Variants in LANCL2 observed in about 807,000 individuals in gnomAD.
LANCL2 encodes the protein lanC-like protein 2.
Under a neutral mutation model 56.9 loss-of-function variants are expected in LANCL2, and 33 were observed. That is an observed-to-expected ratio of 0.58 (90% CI 0.44 to 0.78). LANCL2 has a LOEUF of 0.78. LANCL2 is among the 30% of genes least tolerant of loss of function. The pLI, the probability that LANCL2 is intolerant of heterozygous loss-of-function variation, is 0.00. For synonymous variants in LANCL2, 233 were observed against 228.2 expected, an observed-to-expected ratio of 1.02 and a Z score of -0.19; for missense variants, 562 against 580.2, an observed-to-expected ratio of 0.97 and a Z score of 0.32.
At chr7:55,402,625 A>G (rs1790350775) in intron 5 of LANCL2, among the ~76,000 whole-genome samples, 1 of 104,000 alleles carries the variant, frequency 9.6e-6, no homozygotes. Flanking sequence ...TCCCTCCCGG[A>G]TGGGGCGGCT....
chr7:55,430,619 A>G (rs1196710209), intron 8 of LANCL2, among the ~76,000 whole-genome samples: 1 of 152,216 alleles, frequency 6.6e-6, no homozygotes. Flanking sequence ...ATTGTACGTG[A>G]ATTTTACATC....
At chr7:55,419,063 A>G (rs1453740826) in intron 6 of LANCL2, among the ~76,000 whole-genome samples, 1 of 152,142 alleles carries the variant, frequency 6.6e-6, no homozygotes, top group Admixed American at 6.5e-5. Flanking sequence ...TTCTTAGTAC[A>G]TATTTTCTTT....
chr7:55,426,421 G>A (rs564938401), intron 7 of LANCL2, among the ~76,000 whole-genome samples: 3 of 152,254 alleles, frequency 2.0e-5, no homozygotes, highest in African/African-American at 7.2e-5. Context: ...ATACACTAAA[G>A]TGTGTACAGT....
chr7:55,366,589 C>T (rs952679745), intron 1 of LANCL2, among the ~76,000 whole-genome samples: 6 of 152,152 alleles, frequency 3.9e-5, no homozygotes, highest in African/African-American at 1.2e-4. Flanking sequence ...GCTACCTGCT[C>T]CTCAGAAGTG....
chr7:55,433,415 A>G lies in LANCL2; in HGVS notation c.*2095A>G, dbSNP rs1428396115. 2 of 152,204 alleles carry G rather than the reference A, an allele frequency of 1.3e-5. No individual in the cohort carries two copies. The highest frequency in any genetic ancestry group is 2.9e-5 in the Non-Finnish European group (2 of 68,050). 9.4% of individuals were successfully genotyped at this position (152,204 alleles called of 1,614,324 possible). On this transcript the variant is annotated 3_prime_UTR_variant, in exon 9 of 9. Transcript: ENST00000254770. ...CAGAGGTGCTGTTCCGTGGTTCTGC[A>G]TTAACCCCTGCCTCATGTCTGTAAC... is the stretch of plus-strand genomic sequence containing the variant.
chr7:55,399,478 G>A (rs1207430227), intron 3 of LANCL2, among the ~76,000 whole-genome samples: 1 of 151,930 alleles, frequency 6.6e-6, no homozygotes, highest in Non-Finnish European at 1.5e-5. Context: ...AAAGTAGCTG[G>A]GATTACAAGC....
chr7:55,412,566 G>A (rs541176756), intron 6 of LANCL2, among the ~76,000 whole-genome samples: 1 of 152,206 alleles, frequency 6.6e-6, no homozygotes, highest in South Asian at 2.1e-4. Flanking sequence ...TATACGTCTG[G>A]GGTACTATAG....
In LANCL2 at chr7:55,381,016, C is replaced by G. The variant is rs142454120; in HGVS notation, c.205-10777C>G. On this transcript the variant is annotated intron_variant, in intron 1 of 8. Transcript: ENST00000254770. ...CCTCCCCAGTGGCTGGGATTACACG[C>G]GTGTGCCACCACGCCTGGCTAATTT... Among the ~76,000 whole-genome samples the G allele has an allele frequency of 6.4e-4, 97 of 152,166 alleles. 3 individuals carry two copies. In the East Asian group the frequency reaches 0.019, roughly 29 times the overall value.
intron 1 of LANCL2, among the ~76,000 whole-genome samples, chr7:55,377,319 GA>G (rs1562856894): frequency 6.6e-6 from 1 of 152,028 alleles, no homozygotes; most frequent in Non-Finnish European, 1.5e-5. Flanking sequence ...GATGTACATG[GA>G]AAAAATATCA....
chr7:55,410,864 G>T (rs1015000408), intron 5 of LANCL2, among the ~76,000 whole-genome samples: 1 of 151,934 alleles, frequency 6.6e-6, no homozygotes, highest in African/African-American at 2.4e-5. Flanking sequence ...AGGATGTCAT[G>T]TGCTAATGTG....
At chr7:55,429,518 T>C (rs568669022) in intron 8 of LANCL2, among the ~76,000 whole-genome samples, 50 of 152,370 alleles carry the variant, frequency 3.3e-4, no homozygotes, top group African/African-American at 1.2e-3. Context: ...ATGTCCTGTT[T>C]TAGTTTTCAT....
intron 2 of LANCL2, 87 bp from the exon 3 acceptor site, chr7:55,398,336 A>T (rs1790280309): frequency 2.2e-6 from 2 of 917,830 alleles, no homozygotes; most frequent in Non-Finnish European, 3.5e-6. Flanking sequence ...ATGTAGAAGA[A>T]GGTATTTCAT....
At chr7:55,404,270 C>T (rs1320472064) in intron 5 of LANCL2, among the ~76,000 whole-genome samples, 3 of 152,110 alleles carry the variant, frequency 2.0e-5, no homozygotes, top group Non-Finnish European at 4.4e-5. Flanking sequence ...CTCCTCCCTC[C>T]TCTACCTTTC....
At chr7:55,384,483 C>G (rs141110001) in intron 1 of LANCL2, among the ~76,000 whole-genome samples, 1 of 151,898 alleles carries the variant, frequency 6.6e-6, no homozygotes, top group South Asian at 2.1e-4. Context: ...ACCTGGGAGG[C>G]GGAGCTTGCA....
At position 55,387,893 on chromosome 7, in the gene LANCL2, A is replaced by G. The variant is rs1790144025; in HGVS notation, c.205-3900A>G. ...TATTATACCCTTCCTTACTAAAAAT[A>G]CCTCTTTTCCTTTTCTTCTTTAACT... On this transcript the variant is annotated intron_variant, in intron 1 of 8. Coordinates refer to ENST00000254770, the MANE Select transcript of LANCL2 (RefSeq NM_018697.4). Among the ~76,000 whole-genome samples the G allele has an allele frequency of 3.3e-5, 5 of 152,250 alleles. No homozygotes were observed. In the South Asian group the frequency reaches 8.3e-4, roughly 25 times the overall value.
intron 1 of LANCL2, among the ~76,000 whole-genome samples, chr7:55,388,279 C>T (rs1790147692): frequency 6.6e-6 from 1 of 152,182 alleles, no homozygotes. Context: ...GGCACTGTGG[C>T]TCACATCTGT....
In LANCL2 at chr7:55,398,453, G is replaced by A. The variant is rs144696765; in HGVS notation, c.353G>A (p.Arg118Gln). 3.1e-5 allele frequency: 50 copies of A among 1,613,878 alleles called. No individual in the cohort carries two copies. Among genetic ancestry groups the A allele is most frequent in the South Asian group, 1.4e-4 (13 of 91,078 alleles). The change falls in exon 3 of 9, where the codon CGG becomes CAG. Residue 118 changes from arginine (R) to glutamine (Q), a missense_variant. By Grantham distance (43) the Arg-to-Gln change is conservative. Around this residue, in one of 2 missense-constraint regions of LANCL2, gnomAD observed 378 missense variants for 468.4 expected, o/e 0.81. Coordinates refer to ENST00000254770, the MANE Select transcript of LANCL2 (RefSeq NM_018697.4). ...GCCCTTTTGTACCTGCAGTTGTACCGGGTCACATGTGACCAAACCTACCTG... is the reference window on the plus strand; with the variant it reads ...GCCCTTTTGTACCTGCAGTTGTACCAGGTCACATGTGACCAAACCTACCTG... ...GIALLYLQLY[R>Q]VTCDQTYLLR...
chr7:55,393,120 A>G (rs1790211351), intron 2 of LANCL2, among the ~76,000 whole-genome samples: 1 of 152,266 alleles, frequency 6.6e-6, no homozygotes, highest in Non-Finnish European at 1.5e-5. Flanking sequence ...TATTCGGGGA[A>G]TATAAAGGAT....
At chr7:55,383,548 T>A (rs1790091985) in intron 1 of LANCL2, among the ~76,000 whole-genome samples, 1 of 152,206 alleles carries the variant, frequency 6.6e-6, no homozygotes, top group African/African-American at 2.4e-5. Context: ...TAATCCACAT[T>A]AGCATATCAG....
Sources: gnomAD v4.1 joint callset for allele counts (sites outside exome capture counted in the v4.1 genomes callset) on GRCh38, gnomAD v4.1.1 for gene constraint, gnomAD v4.1.1 regional missense constraint, MANE v1.5 for transcripts, NCBI Gene and HGNC (gene_info 2026-07-23, HGNC 2026-07-21) for gene names.